ABI3BP: variants seen among roughly 807,000 people sequenced by gnomAD.
The protein encoded by ABI3BP is ABI family member 3 binding protein, also known as target of Nesh-SH3.
ABI3BP carries 216 observed loss-of-function variants against 268.6 expected under a neutral mutation model. That is an observed-to-expected ratio of 0.80 (90% CI 0.72 to 0.90). The LOEUF is 0.90. Among genes scored for constraint, ABI3BP ranks in the 40% least tolerant of loss-of-function variants. ABI3BP has a pLI of 0.00. For synonymous variants in ABI3BP, 730 were observed against 730.0 expected, an observed-to-expected ratio of 1.00 and a Z score of 0.00; for missense variants, 2,090 against 2,182.4, an observed-to-expected ratio of 0.96 and a Z score of 0.84.
At chr3:100,976,628 A>G (rs1019544276) in intron 1 of ABI3BP, among the ~76,000 whole-genome samples, 2 of 152,236 alleles carry the variant, frequency 1.3e-5, no homozygotes, top group Non-Finnish European at 2.9e-5. Flanking sequence ...GAGAAATTTC[A>G]TAATGCCTAC....
chr3:100,752,931 A>T lies in ABI3BP; in HGVS notation c.4978T>A (p.Trp1660Arg), dbSNP rs756172831. The change falls in exon 66 of 68, where the codon TGG becomes AGG. Residue 1660 changes from tryptophan to arginine, a missense_variant. Physicochemically the swap from Trp to Arg is moderately radical, Grantham distance 101 (BLOSUM62 -3). Transcript: ENST00000471714. The part of the protein sequence containing the change: ...EPVSAGRDAI[W>R]TERPFNSDSY... The stretch of plus-strand genomic sequence containing the variant: ...TCTGAATTAAAGGGTCTTTCAGTCC[A>T]GATGGCATCTCTTCCTGCTACAAAA... 1.2e-6 allele frequency: 2 copies of T among 1,612,378 alleles called. No homozygotes were observed. The highest frequency in any genetic ancestry group is 1.7e-6 in the Non-Finnish European group (2 of 1,179,140).
At chr3:100,843,725 C>T (rs73137204) in intron 20 of ABI3BP, 76,698 of 983,144 alleles carry the variant, frequency 0.078, 3,242 homozygotes, top group Middle Eastern at 0.086. Flanking sequence ...AGAAAATAAA[C>T]ATCAATACAT....
chr3:100,842,471 A>G, intron 20 of ABI3BP, among the ~76,000 whole-genome samples: 1 of 152,194 alleles, frequency 6.6e-6, no homozygotes, highest in East Asian at 1.9e-4. Flanking sequence ...GCTGGACCTG[A>G]CGTTCTCTCA....
chr3:100,766,507 A>T lies in ABI3BP; in HGVS notation c.4742-558T>A, dbSNP rs1474794393. 3.9e-5 allele frequency among the ~76,000 whole-genome samples: 6 copies of T among 152,340 alleles called. No homozygotes were observed. In the South Asian group the frequency reaches 1.0e-3, roughly 26 times the overall value. On this transcript the variant is annotated intron_variant, in intron 62 of 67. Coordinates refer to ENST00000471714, the MANE Select transcript of ABI3BP (RefSeq NM_001375547.2). Reference sequence around the variant, plus strand: ...ATAGTTCATTATTTTGAACTATAGGAGTAGTTGGTTTTTGTACTCGCTGCC... The same window carrying T: ...ATAGTTCATTATTTTGAACTATAGGTGTAGTTGGTTTTTGTACTCGCTGCC...
intron 17 of ABI3BP, among the ~76,000 whole-genome samples, chr3:100,849,224 CTTT>C (rs547312079): frequency 4.0e-5 from 5 of 125,538 alleles, no homozygotes; most frequent in Non-Finnish European, 3.3e-5. Flanking sequence ...TTTGGAACTA[CTTT>C]TTTTTTTTTT....
At chr3:100,885,792 T>C (rs2041717128) in intron 5 of ABI3BP, among the ~76,000 whole-genome samples, 1 of 152,044 alleles carries the variant, frequency 6.6e-6, no homozygotes, top group African/African-American at 2.4e-5. Context: ...AGTCTTTTTA[T>C]GGGCATCTCT....
chr3:100,810,696 A>T (rs2097843059), intron 48 of ABI3BP, among the ~76,000 whole-genome samples: 1 of 152,178 alleles, frequency 6.6e-6, no homozygotes, highest in Non-Finnish European at 1.5e-5. Flanking sequence ...ATTTCACATT[A>T]GAACTCTACC....
At chr3:100,754,462 C>T in intron 64 of ABI3BP, 150 bp downstream of exon 64, 1 of 699,224 alleles carries the variant, frequency 1.4e-6, no homozygotes, top group Non-Finnish European at 2.4e-6. Flanking sequence ...TTTCTCTAAA[C>T]CTTCATCAGT....
intron 57 of ABI3BP, among the ~76,000 whole-genome samples, chr3:100,783,439 T>C (rs1011344288): frequency 2.6e-5 from 4 of 152,210 alleles, no homozygotes; most frequent in African/African-American, 9.6e-5. Flanking sequence ...CTTTGCCTAG[T>C]ACATAATGGG....
At chr3:100,985,925 T>C (rs1396997084) in intron 1 of ABI3BP, among the ~76,000 whole-genome samples, 1 of 152,232 alleles carries the variant, frequency 6.6e-6, no homozygotes, top group Admixed American at 6.5e-5. Context: ...ACTATATCAC[T>C]TGCTACCAGC....
chr3:100,778,579 A>ACGCACTGTAGTG, intron 58 of ABI3BP: 1 of 590,030 alleles, frequency 1.7e-6, no homozygotes, highest in Non-Finnish European at 3.0e-6. Context: ...AGGGACAACA[A>ACGCACTGTAGTG]CGCACTGTAG....
chr3:100,755,899 C>T (rs2095591588), intron 63 of ABI3BP, among the ~76,000 whole-genome samples: 1 of 152,066 alleles, frequency 6.6e-6, no homozygotes, highest in Non-Finnish European at 1.5e-5. Context: ...GCAGAATGCA[C>T]AAAAGATAGA....
chr3:100,770,647 T>C lies in ABI3BP; in HGVS notation c.4741+96A>G. ...GCTAGTTTTGTCTCCTCCCCAGGTA[T>C]GCTTCACATGTCAACGTTGACCCAG... On this transcript the variant is annotated intron_variant, in intron 62 of 67. Transcript: ENST00000471714. The C allele has an allele frequency of 6.7e-6, 8 of 1,197,806 alleles. No individual in the cohort carries two copies. In the South Asian group the frequency reaches 2.1e-4, roughly 31 times the overall value. The allele number at this position is 1,197,806 out of a possible 1,614,324, so 74.2% of individuals were successfully genotyped here. A position where few individuals can be genotyped will look rare whatever the true frequency, so the allele number is the denominator to read the frequency against.
intron 1 of ABI3BP, among the ~76,000 whole-genome samples, chr3:100,979,508 A>C (rs1016189651): frequency 6.6e-6 from 1 of 152,228 alleles, no homozygotes; most frequent in Non-Finnish European, 1.5e-5. Flanking sequence ...CTTATCCTTT[A>C]ATGCCTTTTA....
chr3:100,811,081 T>C, intron 48 of ABI3BP, 149 bp downstream of exon 48: 1 of 612,084 alleles, frequency 1.6e-6, no homozygotes, highest in Non-Finnish European at 2.6e-6. Context: ...ACAATGGTTA[T>C]GGATAGGAGC....
Position 100,864,873 on chromosome 3 carries a change from G to A in ABI3BP, c.1023C>T (p.Pro341=). The A allele has an allele frequency of 6.2e-7, 1 of 1,608,558 alleles. No homozygotes were observed. The highest frequency in any genetic ancestry group is 8.5e-7 in the Non-Finnish European group (1 of 1,178,260). ...TPETVPRSTK[P]TTSSALDVSE... ...AAACATCTAATGCACTAGACGTAGT[G>A]GGTTTAGTGCTTCTTGGAACTGTTT... is the stretch of plus-strand genomic sequence containing the variant. Residue 341 remains proline, a synonymous_variant, in exon 11 of 68, where the codon CCC becomes CCT. Transcript: ENST00000471714.
At position 100,974,744 on chromosome 3, in the gene ABI3BP, T is replaced by C. The variant is rs144675793; in HGVS notation, c.79+18562A>G. ...ACTAGAGAAGGGAACTTTTATGGTG[T>C]GTTTAAACCTAGAAAGATTTTTGAA... is the stretch of plus-strand genomic sequence containing the variant. On this transcript the variant is annotated intron_variant, in intron 1 of 67. Transcript: ENST00000471714. Among the ~76,000 whole-genome samples, 399 of 152,332 alleles carry C rather than the reference T, an allele frequency of 2.6e-3. 1 individual carries two copies. The highest frequency in any genetic ancestry group is 9.2e-3 in the African/African-American group (382 of 41,574).
At chr3:100,754,738 C>G in intron 63 of ABI3BP, 47 bp from the exon 64 acceptor site, 1 of 1,484,286 alleles carries the variant, frequency 6.7e-7, no homozygotes. Context: ...TTCTTGAGGG[C>G]TAGGAGGCAA....
At chr3:100,841,212 T>TTTTTTTTTTTTTTTTC (rs2098694717) in intron 21 of ABI3BP, among the ~76,000 whole-genome samples, 1 of 114,462 alleles carries the variant, frequency 8.7e-6, no homozygotes, top group Non-Finnish European at 1.8e-5. Context: ...TTTTTTTTTT[T>TTTTTTTTTTTTTTTTC]TTTTTTTTTT....
Sources: allele counts gnomAD v4.1 joint callset (sites outside exome capture counted in the v4.1 genomes callset), GRCh38; gene constraint gnomAD v4.1.1; transcripts MANE v1.5; gene names NCBI Gene and HGNC (gene_info 2026-07-23, HGNC 2026-07-21).